The following ATP6V1B1 variants were observed in gnomAD, a reference collection of about 807,000 sequenced individuals.
ATP6V1B1 encodes the protein ATPase H+ transporting V1 subunit B1.
A neutral mutation model predicts 62.1 loss-of-function variants in ATP6V1B1; 41 were observed. That is an observed-to-expected ratio of 0.66 (90% CI 0.51 to 0.86). The LOEUF (loss-of-function observed/expected upper bound fraction) is 0.86, where lower values mean the gene tolerates loss of function less well. Ranked by LOEUF, ATP6V1B1 falls within the 40% of genes least tolerant of loss-of-function variation. The pLI is 0.00. For synonymous variants in ATP6V1B1, 253 were observed against 273.4 expected, an observed-to-expected ratio of 0.93 and a Z score of 0.74; for missense variants, 651 against 697.5, an observed-to-expected ratio of 0.93 and a Z score of 0.75.
At chr2:70,938,881 AT>A in intron 1 of ATP6V1B1, 1 of 827,196 alleles carries the variant, frequency 1.2e-6, no homozygotes, top group Non-Finnish European at 1.5e-6. Context: ...ATCCCTGAAG[AT>A]CCCCCAGGAG....
At chr2:70,958,575 T>TTC (rs1680501678) in intron 4 of ATP6V1B1, 149 bp downstream of exon 4, 6 of 730,824 alleles carry the variant, frequency 8.2e-6, no homozygotes, top group South Asian at 7.1e-5. Flanking sequence ...GGGGTATGTC[T>TTC]TCTCTCTGAT....
chr2:70,943,705 CG>C lies in ATP6V1B1; in HGVS notation c.169del (p.Val57SerfsTer107), dbSNP rs1558669858. 1 of 1,613,736 alleles carries C rather than the reference CG, an allele frequency of 6.2e-7. No individual in the cohort carries two copies. ...SVNGPLVVLDRVKFAQYAEIV... is the reference protein window; with the variant it reads ...SVNGPLVVLDXVKFAQYAEIV... ...GAACGGGCCCCTGGTGGTGCTGGACCGGGTCAAGGTAAGACTCTTCTGCTGC... is the reference window on the plus strand; with the variant it reads ...GAACGGGCCCCTGGTGGTGCTGGACCGGTCAAGGTAAGACTCTTCTGCTGC... On this transcript the variant is annotated frameshift_variant, in exon 2 of 14. Coordinates refer to ENST00000234396, the MANE Select transcript of ATP6V1B1 (RefSeq NM_001692.4). LOFTEE classifies it high-confidence loss of function.
chr2:70,942,546 G>C, intron 1 of ATP6V1B1: 3 of 395,968 alleles, frequency 7.6e-6, no homozygotes, highest in East Asian at 7.1e-5. Context: ...TCGGGGCCAG[G>C]CTTGCCCAAA....
chr2:70,953,118 T>A (rs1553418538), intron 2 of ATP6V1B1, among the ~76,000 whole-genome samples: 1 of 152,052 alleles, frequency 6.6e-6, no homozygotes, highest in Non-Finnish European at 1.5e-5. Flanking sequence ...AGGCACCCAC[T>A]ACCACACCTG....
Position 70,962,595 on chromosome 2 carries a change from G to A in ATP6V1B1, c.786-182G>A, listed in dbSNP as rs2072461. ...GACAGTAGGCGAGGTGTGTGTTGGA[G>A]TCTGCCTACTCCCAGGAACCATGGC... On this transcript the variant is annotated intron_variant, in intron 8 of 13. Coordinates refer to ENST00000234396, the MANE Select transcript of ATP6V1B1 (RefSeq NM_001692.4). Among the ~76,000 whole-genome samples, 59,030 of 152,106 alleles carry A rather than the reference G, an allele frequency of 0.39. 12,999 individuals carry two copies. The highest frequency in any genetic ancestry group is 0.65 in the East Asian group (3,368 of 5,142).
Position 70,935,981 on chromosome 2 carries a change from T to TG in ATP6V1B1, c.33dup (p.Leu12AlafsTer5), listed in dbSNP as rs1679840748. 6.2e-7 allele frequency: 1 copy of TG among 1,613,690 alleles called. No homozygotes were observed. The highest frequency in any genetic ancestry group is 8.5e-7 in the Non-Finnish European group (1 of 1,179,854). ...TGGCCATGGAGATAGACAGCAGGCC[T>TG]GGGGGGCTCCCCGGCAGTAGCTGCA... On this transcript the variant is annotated frameshift_variant, in exon 1 of 14. Coordinates refer to ENST00000234396, the MANE Select transcript of ATP6V1B1 (RefSeq NM_001692.4). LOFTEE classifies it high-confidence loss of function.
intron 8 of ATP6V1B1, 180 bp downstream of exon 8, chr2:70,961,873 G>A: frequency 1.5e-6 from 1 of 668,484 alleles, no homozygotes; most frequent in Non-Finnish European, 2.7e-6. Context: ...AAAACTCACA[G>A]GCAGAGGGAG....
intron 2 of ATP6V1B1, among the ~76,000 whole-genome samples, chr2:70,950,917 C>T (rs1346845753): frequency 2.1e-5 from 3 of 141,198 alleles, no homozygotes; most frequent in African/African-American, 8.2e-5. Flanking sequence ...ACTGTGTGTG[C>T]ATAATTTTTT....
chr2:70,937,465 G>A (rs35691004), intron 1 of ATP6V1B1, among the ~76,000 whole-genome samples: 33,075 of 152,042 alleles, frequency 0.22, 4,311 homozygotes, highest in Middle Eastern at 0.35. Context: ...AAGGCCTGTA[G>A]GCCCTGCCCC....
chr2:70,947,874 A>G (rs1680223066), intron 2 of ATP6V1B1, among the ~76,000 whole-genome samples: 2 of 152,156 alleles, frequency 1.3e-5, no homozygotes. Flanking sequence ...CCTGCTCAGT[A>G]TGCGGCTGGG....
chr2:70,941,016 C>T (rs1458495326), intron 1 of ATP6V1B1: 8 of 653,616 alleles, frequency 1.2e-5, no homozygotes, highest in Non-Finnish European at 1.5e-5. Flanking sequence ...TCCCTGGGCT[C>T]AGGTGATCCT....
intron 2 of ATP6V1B1, among the ~76,000 whole-genome samples, chr2:70,951,015 T>C (rs1334512580): frequency 1.4e-5 from 2 of 140,606 alleles, no homozygotes; most frequent in African/African-American, 5.3e-5. Flanking sequence ...AAATCTTGGC[T>C]CACTGCAACC....
rs547705933 is a variant in ATP6V1B1 at position 70,940,705 on chromosome 2, G to A, written c.119-2953G>A. Reference sequence around the variant, plus strand: ...TCTCTTCTACTCTCTGCCTTCTCAGGAAGTATGGCTGGTGCTAGGGGTGCA... The same window carrying A: ...TCTCTTCTACTCTCTGCCTTCTCAGAAAGTATGGCTGGTGCTAGGGGTGCA... On this transcript the variant is annotated intron_variant, in intron 1 of 13. Transcript: ENST00000234396. 389 of 985,344 alleles carry A rather than the reference G, an allele frequency of 3.9e-4. 1 individual carries two copies. The highest frequency in any genetic ancestry group is 3.1e-3 in the Middle Eastern group (6 of 1,914). 61.0% of individuals were successfully genotyped at this position (985,344 alleles called of 1,614,324 possible).
At position 70,963,560 on chromosome 2, in the gene ATP6V1B1, G is replaced by A. The variant is rs781801207; in HGVS notation, c.1061-12G>A. 3.7e-6 allele frequency: 6 copies of A among 1,613,634 alleles called. No homozygotes were observed. The highest frequency in any genetic ancestry group is 4.2e-6 in the Non-Finnish European group (5 of 1,179,638). On this transcript the variant is annotated splice_polypyrimidine_tract_variant and intron_variant, in intron 10 of 13. Transcript: ENST00000234396. The surrounding 1 kb of genome is among the most constrained non-coding windows in gnomAD (Gnocchi z 4.3). ...CCCCCACCCACACTGAGGCCAGTGA[G>A]TTTTCTTGTAGATATCACCCACCCT...
intron 2 of ATP6V1B1, among the ~76,000 whole-genome samples, chr2:70,956,970 T>G (rs1419703679): frequency 6.6e-6 from 1 of 152,224 alleles, no homozygotes; most frequent in African/African-American, 2.4e-5. Flanking sequence ...TAATAACTAT[T>G]GATGTTGAGT....
chr2:70,940,629 G>A (rs782552992), intron 1 of ATP6V1B1: 122 of 985,196 alleles, frequency 1.2e-4, no homozygotes, highest in Middle Eastern at 1.0e-3. Context: ...ACCCTTTCTC[G>A]TTGAGGAGTC....
intron 1 of ATP6V1B1, chr2:70,938,428 G>C (rs1679910393): frequency 2.0e-6 from 1 of 489,840 alleles, no homozygotes; most frequent in Non-Finnish European, 2.7e-6. Flanking sequence ...TCCCAGACAG[G>C]AGAACTCTGG....
chr2:70,960,434 C>G (rs565635589), intron 6 of ATP6V1B1, among the ~76,000 whole-genome samples: 1 of 152,332 alleles, frequency 6.6e-6, no homozygotes, highest in East Asian at 1.9e-4. Context: ...CCTCTCAGAG[C>G]AGCTGGTGTG....
chr2:70,953,080 C>T (rs1680357801), intron 2 of ATP6V1B1, among the ~76,000 whole-genome samples: 1 of 152,228 alleles, frequency 6.6e-6, no homozygotes, highest in Non-Finnish European at 1.5e-5. Context: ...GATTCTCCTG[C>T]CTCAGCTTCC....
Sources: gnomAD v4.1 joint callset for allele counts (sites outside exome capture counted in the v4.1 genomes callset) on GRCh38, gnomAD v4.1.1 for gene constraint, Gnocchi (gnomAD v3.1) non-coding constraint, MANE v1.5 for transcripts, NCBI Gene and HGNC (gene_info 2026-07-23, HGNC 2026-07-21) for gene names.